Variants in JMJD1C observed in about 807,000 individuals in gnomAD.
The protein encoded by JMJD1C is jumonji domain containing 1C, also known as jumonji domain-containing protein 1C.
Under a neutral mutation model 245.3 loss-of-function variants are expected in JMJD1C, and 31 were observed. That is an observed-to-expected ratio of 0.13 (90% CI 0.09 to 0.17). The LOEUF (loss-of-function observed/expected upper bound fraction) is 0.17, where lower values mean the gene tolerates loss of function less well. JMJD1C is among the 10% of genes least tolerant of loss of function. JMJD1C has a pLI of 1.00. For missense variants in JMJD1C, 2,691 were observed against 3,000.2 expected (o/e 0.90, Z 2.41); for synonymous variants, 1,057 against 1,017.4 (o/e 1.04, Z -0.74).
chr10:63,385,805 C>A (rs9415700), intron 1 of JMJD1C, among the ~76,000 whole-genome samples: 24 of 151,702 alleles, frequency 1.6e-4, no homozygotes, highest in African/African-American at 5.6e-4. Flanking sequence ...AAGCAAACTA[C>A]GATAAAAAAT....
At chr10:63,337,614 AAAAG>A (rs1392501050) in intron 2 of JMJD1C, among the ~76,000 whole-genome samples, 209 of 30,998 alleles carry the variant, frequency 6.7e-3, no homozygotes, top group South Asian at 0.016. Flanking sequence ...AAAAGAAAAG[AAAAG>A]AAAAGAAAAA....
intron 2 of JMJD1C, among the ~76,000 whole-genome samples, chr10:63,349,874 T>C (rs1944199269): frequency 6.6e-6 from 1 of 152,202 alleles, no homozygotes; most frequent in African/African-American, 2.4e-5. Flanking sequence ...GACAGATACC[T>C]GACATTACAG....
intron 17 of JMJD1C, 79 bp downstream of exon 17, chr10:63,190,815 A>T: frequency 9.9e-7 from 1 of 1,009,580 alleles, no homozygotes; most frequent in Non-Finnish European, 1.6e-6. Flanking sequence ...CATACTGGGT[A>T]GTTCAGAGCC....
intron 1 of JMJD1C, among the ~76,000 whole-genome samples, chr10:63,416,859 C>T (rs1338708701): frequency 6.6e-6 from 1 of 152,110 alleles, no homozygotes; most frequent in Non-Finnish European, 1.5e-5. Flanking sequence ...TTGGTAAAAA[C>T]TAAACAATTG....
At chr10:63,415,870 A>T (rs1313696080) in intron 1 of JMJD1C, among the ~76,000 whole-genome samples, 2 of 152,056 alleles carry the variant, frequency 1.3e-5, no homozygotes, top group Admixed American at 1.3e-4. Context: ...CATTAAGGCA[A>T]CTCCTTCCCC....
At chr10:63,193,957 C>T (rs1056432985) in intron 14 of JMJD1C, among the ~76,000 whole-genome samples, 2 of 152,160 alleles carry the variant, frequency 1.3e-5, no homozygotes, top group Non-Finnish European at 2.9e-5. Flanking sequence ...TGAGCCACTG[C>T]GCCCAGCCAA....
chr10:63,193,405 A>G lies in JMJD1C; in HGVS notation c.5802T>C (p.His1934=), dbSNP rs762120786. ...CTTGTAAATTCTGTTTGTTAGTACA[A>G]TGACAATGGGATTTAATACCATATT... ...REKYGIKSHC[H]CTNKQNLQVG... is the part of the protein sequence containing the mutation. The change falls in exon 15 of 26, where the codon CAT becomes CAC. Residue 1934 remains histidine (H), a synonymous_variant. Transcript: ENST00000399262. 6.9e-6 allele frequency: 11 copies of G among 1,602,552 alleles called. No individual in the cohort carries two copies. The East Asian group carries it at 1.6e-4, about 23-fold the overall frequency.
intron 3 of JMJD1C, among the ~76,000 whole-genome samples, chr10:63,244,817 A>AGGGGG (rs370952932): frequency 7.6e-5 from 4 of 52,946 alleles, no homozygotes; most frequent in Admixed American, 1.7e-4. Context: ...TTAAAAAAAA[A>AGGGGG]GGGGGGGGGA....
At chr10:63,279,682 C>T (rs1410129613) in intron 2 of JMJD1C, among the ~76,000 whole-genome samples, 1 of 152,022 alleles carries the variant, frequency 6.6e-6, no homozygotes, top group East Asian at 1.9e-4. Context: ...CTTGAGCCCA[C>T]GAAGTTAAGA....
chr10:63,211,997 TAAG>T (rs71463505), intron 8 of JMJD1C, among the ~76,000 whole-genome samples: 64,209 of 151,534 alleles, frequency 0.42, 14,153 homozygotes, highest in South Asian at 0.53. Context: ...CAGCCTTAAA[TAAG>T]AAGAAGATCA....
chr10:63,380,204 A>G (rs1947103434), intron 2 of JMJD1C, 114 bp downstream of exon 2: 2 of 1,050,150 alleles, frequency 1.9e-6, no homozygotes, highest in Non-Finnish European at 2.9e-6. Flanking sequence ...TCAGCCTCTC[A>G]AAGTGCTAGT....
At chr10:63,331,951 A>G (rs1406717454) in intron 2 of JMJD1C, among the ~76,000 whole-genome samples, 2 of 152,214 alleles carry the variant, frequency 1.3e-5, no homozygotes, top group Non-Finnish European at 2.9e-5. Context: ...AGATTACTGT[A>G]TATTCCCAGG....
chr10:63,398,668 G>C (rs1948665302), intron 1 of JMJD1C, among the ~76,000 whole-genome samples: 1 of 148,516 alleles, frequency 6.7e-6, no homozygotes, highest in Non-Finnish European at 1.5e-5. Flanking sequence ...TTTTGAGACA[G>C]ACTCTCACTC....
intron 1 of JMJD1C, among the ~76,000 whole-genome samples, chr10:63,393,913 G>T (rs1320658107): frequency 1.3e-5 from 2 of 152,172 alleles, no homozygotes; most frequent in Non-Finnish European, 2.9e-5. Context: ...ACGCACAGTG[G>T]CTCATGCCTG....
At chr10:63,304,401 C>T (rs1472345339) in intron 2 of JMJD1C, among the ~76,000 whole-genome samples, 2 of 144,652 alleles carry the variant, frequency 1.4e-5, no homozygotes, top group Non-Finnish European at 3.2e-5. Context: ...AGATTCACAG[C>T]CAGGAATTTA....
chr10:63,197,705 T>C (rs1278343405), intron 12 of JMJD1C, 142 bp from the exon 13 acceptor site: 1 of 611,080 alleles, frequency 1.6e-6, no homozygotes, highest in Non-Finnish European at 2.6e-6. Context: ...AATAGCTTTC[T>C]TGAAGTAATT....
At chr10:63,507,480 C>G (rs949699415) in intron 1 of JMJD1C, among the ~76,000 whole-genome samples, 2 of 151,682 alleles carry the variant, frequency 1.3e-5, no homozygotes, top group African/African-American at 4.9e-5. Flanking sequence ...CCTGTCTCTA[C>G]TAAAAATACA....
intron 10 of JMJD1C, chr10:63,203,750 A>T: frequency 1.0e-6 from 1 of 974,428 alleles, no homozygotes; most frequent in East Asian, 1.1e-4. Context: ...TCTAGCTTTA[A>T]TGTACTAAGA....
chr10:63,368,681 A>G (rs1946053299), intron 2 of JMJD1C, among the ~76,000 whole-genome samples: 1 of 152,178 alleles, frequency 6.6e-6, no homozygotes, highest in Non-Finnish European at 1.5e-5. Flanking sequence ...CCTTATGTAA[A>G]TAAATCTTTT....
Sources: gnomAD v4.1 joint callset for allele counts (sites outside exome capture counted in the v4.1 genomes callset) on GRCh38, gnomAD v4.1.1 for gene constraint, MANE v1.5 for transcripts, NCBI Gene and HGNC (gene_info 2026-07-23, HGNC 2026-07-21) for gene names.